PHLDB3: variants seen among roughly 807,000 people sequenced by gnomAD.
PHLDB3 encodes pleckstrin homology like domain family B member 3.
Under a neutral mutation model 85.7 loss-of-function variants are expected in PHLDB3, and 86 were observed. The ratio of observed to expected loss-of-function variants is 1.00; its 90% CI spans 0.84 to 1.20. The LOEUF (loss-of-function observed/expected upper bound fraction) is 1.20, where lower values mean the gene tolerates loss of function less well. Ranked by LOEUF, PHLDB3 falls within the 50% of genes most tolerant of loss-of-function variation. The probability of loss-of-function intolerance (pLI) is 0.00; values close to 1 mark genes in which losing one functional copy is unlikely to be tolerated. For synonymous variants in PHLDB3, 376 were observed against 349.8 expected (o/e 1.07, Z -0.83); for missense variants, 995 against 873.0 (o/e 1.14, Z -1.76).
At chr19:43,496,990 C>T (rs142616966) in intron 6 of PHLDB3, 128 bp downstream of exon 6, 1 of 1,250,588 alleles carries the variant, frequency 8.0e-7, no homozygotes, top group African/African-American at 1.5e-5. Flanking sequence ...TCATTAGTAT[C>T]AGCTCTTGTT....
At position 43,487,574 on chromosome 19, in the gene PHLDB3, C is replaced by CAAAAAA. The variant is rs760708749; in HGVS notation, c.1150-457_1150-452dup. ...TGGGCGACAGAGCAAGACTCTGTCT[C>CAAAAAA]AAAAAAAAAAAAAAAAAACACAGAA... On this transcript the variant is annotated intron_variant, in intron 9 of 15. Coordinates refer to ENST00000292140, the MANE Select transcript of PHLDB3 (RefSeq NM_198850.4). Among the ~76,000 whole-genome samples the CAAAAAA allele has an allele frequency of 9.1e-4, 35 of 38,496 alleles. 1 individual carries two copies. Among genetic ancestry groups the CAAAAAA allele is most frequent in the South Asian group, 2.5e-3 (2 of 810 alleles). The allele number at this position is 38,496 out of a possible 152,430, so 25.3% of individuals were successfully genotyped here. A position where few individuals can be genotyped will look rare whatever the true frequency, so the allele number is the denominator to read the frequency against.
Position 43,495,217 on chromosome 19 carries a change from G to C in PHLDB3, c.1035+39C>G, listed in dbSNP as rs755041102. The C allele has an allele frequency of 3.8e-6, 6 of 1,584,276 alleles. No individual in the cohort carries two copies. In the South Asian group the frequency reaches 6.7e-5, roughly 18 times the overall value. On this transcript the variant is annotated intron_variant, in intron 8 of 15. Coordinates refer to ENST00000292140, the MANE Select transcript of PHLDB3 (RefSeq NM_198850.4). ...GGCTGGGGACTGGACTTTCAAGTCT[G>C]AGGGAGGAGGGACTGAGAGGCATAC...
At chr19:43,502,614 CTTTTTTTTTTT>C (rs71336869) in intron 2 of PHLDB3, among the ~76,000 whole-genome samples, 185 of 114,802 alleles carry the variant, frequency 1.6e-3, no homozygotes, top group African/African-American at 6.4e-3. Flanking sequence ...ACGCCAAGCT[CTTTTTTTTTTT>C]TTTTTTTTTT....
intron 13 of PHLDB3, among the ~76,000 whole-genome samples, chr19:43,482,016 C>G (rs1351205081): frequency 1.3e-5 from 2 of 152,160 alleles, no homozygotes; most frequent in Non-Finnish European, 2.9e-5. Flanking sequence ...AGGATCACCA[C>G]TGTGTGTGGA....
intron 13 of PHLDB3, among the ~76,000 whole-genome samples, chr19:43,485,795 C>T (rs561923072): frequency 3.3e-5 from 5 of 152,166 alleles, no homozygotes; most frequent in Admixed American, 2.0e-4. Context: ...GTGATCCACC[C>T]GCCTTGGCCT....
At chr19:43,483,003 C>G (rs983479255) in intron 13 of PHLDB3, among the ~76,000 whole-genome samples, 1 of 152,164 alleles carries the variant, frequency 6.6e-6, no homozygotes, top group Non-Finnish European at 1.5e-5. Context: ...ACATCAGCTT[C>G]CCCCAAAGGT....
Position 43,475,298 on chromosome 19 carries a change from G to C in PHLDB3, c.*112C>G. On this transcript the variant is annotated 3_prime_UTR_variant, in exon 16 of 16. Transcript: ENST00000292140. ...CCGCGCCTGCGGAATTCCCGGGAGA[G>C]TTCCAAAGCGGTGCGTCCAAGTTTT... is the stretch of plus-strand genomic sequence containing the variant. 8.5e-6 allele frequency: 12 copies of C among 1,412,650 alleles called. No homozygotes were observed. Among genetic ancestry groups the C allele is most frequent in the South Asian group, 6.8e-5 (5 of 73,802 alleles). The allele number at this position is 1,412,650 out of a possible 1,614,324, so 87.5% of individuals were successfully genotyped here.
intron 13 of PHLDB3, 125 bp downstream of exon 13, chr19:43,486,135 TCCCTTG>T (rs1971149220): frequency 7.1e-7 from 1 of 1,411,774 alleles, no homozygotes; most frequent in Non-Finnish European, 9.2e-7. Flanking sequence ...CAGTTCCCTT[TCCCTTG>T]CCAAGCCCAG....
At chr19:43,478,799 C>T (rs571708476) in intron 14 of PHLDB3, among the ~76,000 whole-genome samples, 1 of 152,100 alleles carries the variant, frequency 6.6e-6, no homozygotes, top group African/African-American at 2.4e-5. Flanking sequence ...CCTGTAGTCC[C>T]GCCTATTCAG....
At chr19:43,491,193 G>A (rs960026547) in intron 9 of PHLDB3, among the ~76,000 whole-genome samples, 3 of 152,164 alleles carry the variant, frequency 2.0e-5, no homozygotes, top group African/African-American at 7.2e-5. Flanking sequence ...ACGTTGCCTG[G>A]CAACACAGCT....
In PHLDB3 at chr19:43,503,913, C is replaced by T. The variant is rs761288256; in HGVS notation, c.206G>A (p.Arg69His). 7 of 1,613,752 alleles carry T rather than the reference C, an allele frequency of 4.3e-6. 1 individual carries two copies. The South Asian group carries it at 7.7e-5, about 18-fold the overall frequency. ...VGEGSSTESS[R>H]DAPEATPPIA... Reference sequence around the variant, plus strand: ...CGCCCTCGGGCCCCTCACCGCGTCGCGGCTGCTCTCAGTGCTGCTGCCTTC... The same window carrying T: ...CGCCCTCGGGCCCCTCACCGCGTCGTGGCTGCTCTCAGTGCTGCTGCCTTC... The change falls in exon 2 of 16, where the codon CGC (arginine) becomes CAC (histidine). Residue 69 changes from arginine (R) to histidine (H), a missense_variant. Transcript: ENST00000292140.
intron 4 of PHLDB3, 102 bp downstream of exon 4, chr19:43,501,632 T>TG (rs2145954402): frequency 6.6e-7 from 1 of 1,511,274 alleles, no homozygotes; most frequent in African/African-American, 1.4e-5. Context: ...TGTCTTCCTT[T>TG]GGGGAATGGG....
chr19:43,482,530 C>CTGTT lies in PHLDB3; in HGVS notation c.1486-2941_1486-2938dup, dbSNP rs111789790. Among the ~76,000 whole-genome samples, 1,034 of 152,056 alleles carry CTGTT rather than the reference C, an allele frequency of 6.8e-3. 2 individuals carry two copies. Among genetic ancestry groups the CTGTT allele is most frequent in the African/African-American group, 0.015 (617 of 41,476 alleles). On this transcript the variant is annotated intron_variant, in intron 13 of 15. Coordinates refer to ENST00000292140, the MANE Select transcript of PHLDB3 (RefSeq NM_198850.4). ...GCAGAACACCAGAGCAGGAGCAATTCTGTTTGTTTGTTTGTTTGTTTGTTT... is the reference window on the plus strand; with the variant it reads ...GCAGAACACCAGAGCAGGAGCAATTCTGTTTGTTTGTTTGTTTGTTTGTTTGTTT...
At chr19:43,481,760 C>T (rs1016368082) in intron 13 of PHLDB3, among the ~76,000 whole-genome samples, 3 of 150,480 alleles carry the variant, frequency 2.0e-5, no homozygotes, top group Non-Finnish European at 4.4e-5. Flanking sequence ...CACCACGGCA[C>T]TCCAGGCTGG....
chr19:43,502,409 C>T (rs1971631101), intron 2 of PHLDB3, 126 bp from the exon 3 acceptor site: 2 of 806,198 alleles, frequency 2.5e-6, no homozygotes, highest in East Asian at 2.8e-5. Context: ...CCTAACACAA[C>T]CACCACTCCC....
chr19:43,497,157 G>C lies in PHLDB3; in HGVS notation c.786C>G (p.Pro262=). 1 of 1,555,770 alleles carries C rather than the reference G, an allele frequency of 6.4e-7. No homozygotes were observed. The highest frequency in any genetic ancestry group is 8.7e-7 in the Non-Finnish European group (1 of 1,153,956). ...RDSPGPQVPD[P]KVQELQASMA... ...TGCTGGCCTGGAGTTCCTGGACCTT[G>C]GGGTCTGGCACCTGGGGCCCAGGGC... The change falls in exon 6 of 16, where the codon CCC becomes CCG. Residue 262 remains proline (P), a synonymous_variant. Transcript: ENST00000292140.
At chr19:43,502,966 C>T (rs1971651279) in intron 2 of PHLDB3, among the ~76,000 whole-genome samples, 1 of 148,150 alleles carries the variant, frequency 6.7e-6, no homozygotes, top group African/African-American at 2.5e-5. Flanking sequence ...TCCACCTGAC[C>T]CCAGTCTCTC....
Position 43,497,098 on chromosome 19 carries a change from G to A in PHLDB3, c.825+20C>T, listed in dbSNP as rs1232924583. ...AGAGAGGAGCAGCAAGGGGGGCAGC[G>A]CTGGTCAGGCATGACTCACTCTGTG... On this transcript the variant is annotated intron_variant, in intron 6 of 15. Transcript: ENST00000292140. 10 of 1,436,966 alleles carry A rather than the reference G, an allele frequency of 7.0e-6. No homozygotes were observed. The Middle Eastern group carries it at 7.5e-4, about 108-fold the overall frequency. The allele number at this position is 1,436,966 out of a possible 1,614,324, so 89.0% of individuals were successfully genotyped here. A position where few individuals can be genotyped will look rare whatever the true frequency, so the allele number is the denominator to read the frequency against.
At chr19:43,483,364 C>T (rs1280833429) in intron 13 of PHLDB3, among the ~76,000 whole-genome samples, 1 of 151,942 alleles carries the variant, frequency 6.6e-6, no homozygotes, top group African/African-American at 2.4e-5. Flanking sequence ...CAGCCTCCAC[C>T]CACTGGGCTC....
Sources: gnomAD v4.1 joint callset for allele counts (sites outside exome capture counted in the v4.1 genomes callset) on GRCh38, gnomAD v4.1.1 for gene constraint, MANE v1.5 for transcripts, NCBI Gene and HGNC (gene_info 2026-07-23, HGNC 2026-07-21) for gene names.